The following SORCS1 variants were observed in gnomAD, a reference collection of about 807,000 sequenced individuals.
SORCS1 encodes the protein VPS10 domain-containing receptor SorCS1.
SORCS1 carries 60 observed loss-of-function variants against 146.1 expected under a neutral mutation model. The observed-to-expected ratio is 0.41, with a 90% CI of 0.33 to 0.51. The LOEUF (loss-of-function observed/expected upper bound fraction) is 0.51. SORCS1 is among the 20% of genes least tolerant of loss of function. SORCS1 has a pLI of 0.21. For missense variants in SORCS1, 1,352 were observed against 1,487.6 expected (o/e 0.91, Z 1.50); for synonymous variants, 637 against 584.0 (o/e 1.09, Z -1.31).
At chr10:106,604,097 C>G (rs1009439559) in intron 23 of SORCS1, among the ~76,000 whole-genome samples, 1 of 152,180 alleles carries the variant, frequency 6.6e-6, no homozygotes, top group African/African-American at 2.4e-5. Flanking sequence ...TGTGGCCATT[C>G]TTGCTTTCCT....
In SORCS1 at chr10:106,574,229, A is replaced by G. The variant is rs760497737; in HGVS notation, c.*3191T>C. The G allele has an allele frequency of 6.6e-6, 1 of 152,638 alleles. No individual in the cohort carries two copies. Among genetic ancestry groups the G allele is most frequent in the East Asian group, 1.9e-4 (1 of 5,182 alleles). The allele number at this position is 152,638 out of a possible 1,614,324, so 9.5% of individuals were successfully genotyped here. The stretch of plus-strand genomic sequence containing the variant: ...CTCTGCATTTTGGACAGTGAATCCA[A>G]TTAAAAATAAGGCAAGGTAGAAAGT... On this transcript the variant is annotated 3_prime_UTR_variant, in exon 26 of 26. Transcript: ENST00000263054.
chr10:106,614,971 G>A (rs1282038076), intron 21 of SORCS1, among the ~76,000 whole-genome samples: 1 of 152,094 alleles, frequency 6.6e-6, no homozygotes, highest in Non-Finnish European at 1.5e-5. Flanking sequence ...TCTTTTAATT[G>A]ATTGTGTGGC....
At chr10:106,944,622 G>T (rs894758747) in intron 2 of SORCS1, among the ~76,000 whole-genome samples, 10 of 152,120 alleles carry the variant, frequency 6.6e-5, no homozygotes, top group African/African-American at 2.2e-4. Flanking sequence ...ATACCAGTTA[G>T]CATGGATCTA....
intron 19 of SORCS1, among the ~76,000 whole-genome samples, chr10:106,626,347 C>T (rs1031551274): frequency 1.3e-5 from 2 of 152,130 alleles, no homozygotes; most frequent in Non-Finnish European, 1.5e-5. Flanking sequence ...ACGAGATGTG[C>T]ATCTACTTGA....
chr10:106,727,853 T>C (rs1283011180), intron 6 of SORCS1, among the ~76,000 whole-genome samples: 1 of 152,258 alleles, frequency 6.6e-6, no homozygotes, highest in Non-Finnish European at 1.5e-5. Flanking sequence ...CAAGGCTTTA[T>C]GGCAAGACAC....
intron 2 of SORCS1, among the ~76,000 whole-genome samples, chr10:106,860,437 A>T (rs1425403729): frequency 1.3e-5 from 2 of 152,132 alleles, no homozygotes; most frequent in Non-Finnish European, 2.9e-5. Flanking sequence ...ATAACAGTGA[A>T]CATTTATTGA....
chr10:107,146,423 GAA>G (rs1023194142), intron 1 of SORCS1, among the ~76,000 whole-genome samples: 1 of 152,156 alleles, frequency 6.6e-6, no homozygotes, highest in Non-Finnish European at 1.5e-5. Flanking sequence ...TGGGGGTTTT[GAA>G]AAGTCTACTT....
intron 24 of SORCS1, among the ~76,000 whole-genome samples, chr10:106,591,206 G>T (rs2133272208): frequency 6.6e-6 from 1 of 152,290 alleles, no homozygotes; most frequent in Middle Eastern, 3.4e-3. Flanking sequence ...TTTGGTAACA[G>T]TCGCCTGCCA....
At chr10:106,913,074 AAG>A (rs1036001163) in intron 2 of SORCS1, among the ~76,000 whole-genome samples, 7 of 116,166 alleles carry the variant, frequency 6.0e-5, no homozygotes, top group African/African-American at 1.7e-4. Context: ...CTGGACTGCA[AAG>A]AAAAAAAAAA....
chr10:107,143,409 C>T (rs1370495206), intron 1 of SORCS1, among the ~76,000 whole-genome samples: 1 of 152,162 alleles, frequency 6.6e-6, no homozygotes, highest in Admixed American at 6.5e-5. Context: ...CTTGCTGCAA[C>T]TTACACCTCC....
At chr10:106,724,047 A>T (rs892450775) in intron 6 of SORCS1, among the ~76,000 whole-genome samples, 3 of 152,218 alleles carry the variant, frequency 2.0e-5, no homozygotes, top group Non-Finnish European at 4.4e-5. Flanking sequence ...TACAATTTTG[A>T]GGAAAGAATG....
chr10:106,765,678 G>T (rs897484263), intron 4 of SORCS1, among the ~76,000 whole-genome samples: 1 of 151,984 alleles, frequency 6.6e-6, no homozygotes, highest in African/African-American at 2.4e-5. Flanking sequence ...AGCAGATGAA[G>T]ATGGGATGAG....
intron 1 of SORCS1, among the ~76,000 whole-genome samples, chr10:107,004,504 A>G (rs1166117683): frequency 3.3e-5 from 5 of 152,074 alleles, no homozygotes; most frequent in Admixed American, 3.3e-4. Context: ...CATTTATAAA[A>G]CCACAAGATC....
intron 2 of SORCS1, among the ~76,000 whole-genome samples, chr10:106,838,062 T>G (rs888493496): frequency 2.0e-5 from 3 of 152,344 alleles, no homozygotes; most frequent in Admixed American, 2.0e-4. Flanking sequence ...TAGGCACTAT[T>G]TGCTTTTGAC....
intron 9 of SORCS1, among the ~76,000 whole-genome samples, chr10:106,694,444 G>A (rs1159295177): frequency 1.3e-5 from 2 of 151,962 alleles, no homozygotes; most frequent in East Asian, 1.9e-4. Flanking sequence ...AGATGGTTTC[G>A]CCATGTTGGC....
intron 2 of SORCS1, among the ~76,000 whole-genome samples, chr10:106,853,546 G>T (rs1298366414): frequency 2.6e-5 from 4 of 151,264 alleles, no homozygotes; most frequent in Admixed American, 2.6e-4. Context: ...TCTGAGGTGG[G>T]GGTTTAAATT....
rs1397728440 is a variant in SORCS1, at chr10:106,629,319, T to C, written c.2545A>G (p.Ser849Gly). 1 of 1,614,042 alleles carries C rather than the reference T, an allele frequency of 6.2e-7. No individual in the cohort carries two copies. The highest frequency in any genetic ancestry group is 1.3e-5 in the African/African-American group (1 of 74,940). ...TGTTTGATCCCATCTTCCATGGAGC[T>C]GAGATTGACGTAAGACACCGCGATA... ...DGIAVSYVNL[S>G]SMEDGIKHVY... is the part of the protein sequence containing the mutation. Residue 849 changes from serine (S) to glycine (G), a missense_variant, in exon 19 of 26, where the codon AGC becomes GGC. By Grantham distance (56) the Ser-to-Gly change is moderately conservative. Around this residue, in one of 3 missense-constraint regions of SORCS1, gnomAD observed 648 missense variants for 793.8 expected, o/e 0.82. Coordinates refer to ENST00000263054, the MANE Select transcript of SORCS1 (RefSeq NM_052918.5).
intron 18 of SORCS1, among the ~76,000 whole-genome samples, chr10:106,635,755 T>C (rs188935349): frequency 1.3e-5 from 2 of 152,332 alleles, no homozygotes; most frequent in East Asian, 1.9e-4. Context: ...GATGATGGAA[T>C]ACAACCAACT....
At chr10:106,724,316 G>T (rs2135961980) in intron 6 of SORCS1, among the ~76,000 whole-genome samples, 1 of 152,150 alleles carries the variant, frequency 6.6e-6, no homozygotes, top group East Asian at 1.9e-4. Flanking sequence ...AGACCAGTCT[G>T]ACCAACATGG....
Sources: allele counts gnomAD v4.1 joint callset (sites outside exome capture counted in the v4.1 genomes callset), GRCh38; gene constraint gnomAD v4.1.1; regional missense constraint gnomAD v4.1.1; transcripts MANE v1.5; gene names NCBI Gene and HGNC (gene_info 2026-07-23, HGNC 2026-07-21).